EPHA7: variants seen among roughly 807,000 people sequenced by gnomAD.
The protein encoded by EPHA7 is EPH receptor A7.
In EPHA7, 25 loss-of-function variants were observed where a neutral mutation model predicts 112.6. The ratio of observed to expected loss-of-function variants is 0.22; its 90% CI spans 0.16 to 0.31. EPHA7 has a LOEUF of 0.31. Among genes scored for constraint, EPHA7 ranks in the 10% least tolerant of loss-of-function variants. The probability of loss-of-function intolerance (pLI) is 1.00; values close to 1 mark genes in which losing one functional copy is unlikely to be tolerated. For synonymous variants in EPHA7, 437 were observed against 406.5 expected, an observed-to-expected ratio of 1.07 and a Z score of -0.90; for missense variants, 962 against 1,212.6, an observed-to-expected ratio of 0.79 and a Z score of 3.07.
intron 3 of EPHA7, among the ~76,000 whole-genome samples, chr6:93,392,444 C>G (rs991075373): frequency 1.3e-5 from 2 of 151,748 alleles, no homozygotes; most frequent in Non-Finnish European, 2.9e-5. Context: ...CAGATCGACA[C>G]AAAAGAAAAA....
Position 93,246,962 on chromosome 6 carries a change from A to G in EPHA7, c.2556T>C (p.Gly852=). Residue 852 remains glycine (G), a synonymous_variant, in exon 15 of 17, where the codon GGT becomes GGC. Coordinates refer to ENST00000369303, the MANE Select transcript of EPHA7 (RefSeq NM_004440.4). ...AGTCCATGGGTGCTGGTAAACGATAACCTTCTTCTATTGCTTTTATAACCT... is the reference window on the plus strand; with the variant it reads ...AGTCCATGGGTGCTGGTAAACGATAGCCTTCTTCTATTGCTTTTATAACCT... The part of the protein sequence containing the change: ...NQDVIKAIEE[G]YRLPAPMDCP... 6.3e-7 allele frequency: 1 copy of G among 1,596,772 alleles called. No individual in the cohort carries two copies. Among genetic ancestry groups the G allele is most frequent in the Non-Finnish European group, 8.6e-7 (1 of 1,166,584 alleles).
Position 93,258,087 on chromosome 6 carries a change from A to G in EPHA7, c.2110+12T>C. The G allele has an allele frequency of 6.2e-7, 1 of 1,603,938 alleles. No individual in the cohort carries two copies. The highest frequency in any genetic ancestry group is 8.5e-7 in the Non-Finnish European group (1 of 1,172,128). Reference sequence around the variant, plus strand: ...GTCTTTTTGATAAAATAAAGATATAACCAATATCTACCTCTTGTAACAACC... The same window carrying G: ...GTCTTTTTGATAAAATAAAGATATAGCCAATATCTACCTCTTGTAACAACC... On this transcript the variant is annotated intron_variant, in intron 11 of 16. Transcript: ENST00000369303.
intron 5 of EPHA7, among the ~76,000 whole-genome samples, chr6:93,289,686 A>C (rs1377015471): frequency 6.6e-6 from 1 of 152,202 alleles, no homozygotes. Context: ...AAGTAATCTT[A>C]AGGTTTACCT....
At chr6:93,370,840 A>C (rs1776752774) in intron 3 of EPHA7, among the ~76,000 whole-genome samples, 1 of 152,124 alleles carries the variant, frequency 6.6e-6, no homozygotes, top group South Asian at 2.1e-4. Flanking sequence ...TAATATTCAG[A>C]GTGAACTCAG....
At chr6:93,299,558 T>C (rs1016427637) in intron 5 of EPHA7, among the ~76,000 whole-genome samples, 1 of 152,090 alleles carries the variant, frequency 6.6e-6, no homozygotes, top group African/African-American at 2.4e-5. Context: ...GTTCAACCAT[T>C]GTGGAAAGCA....
chr6:93,316,797 T>C (rs1209222703), intron 5 of EPHA7, among the ~76,000 whole-genome samples: 1 of 152,180 alleles, frequency 6.6e-6, no homozygotes, highest in Non-Finnish European at 1.5e-5. Flanking sequence ...CGTAAATGAA[T>C]AGTATGCATT....
At chr6:93,275,141 T>C (rs1033222562) in intron 5 of EPHA7, among the ~76,000 whole-genome samples, 3 of 151,844 alleles carry the variant, frequency 2.0e-5, no homozygotes, top group Middle Eastern at 3.5e-3. Flanking sequence ...AAATGAAATA[T>C]ACAAGTGACA....
intron 3 of EPHA7, among the ~76,000 whole-genome samples, chr6:93,389,427 G>A (rs904906866): frequency 6.6e-6 from 1 of 152,016 alleles, no homozygotes; most frequent in African/African-American, 2.4e-5. Flanking sequence ...CACGTGGTGG[G>A]TTCTGGACTG....
chr6:93,401,598 T>G lies in EPHA7; in HGVS notation c.832+8903A>C, dbSNP rs529983599. On this transcript the variant is annotated intron_variant, in intron 3 of 16. Transcript: ENST00000369303. Reference sequence around the variant, plus strand: ...AAATTGAGTTGTTTTACTACCAGATTAAAAAATAAAAACTTATATGTGCAT... The same window carrying G: ...AAATTGAGTTGTTTTACTACCAGATGAAAAAATAAAAACTTATATGTGCAT... Among the ~76,000 whole-genome samples the G allele has an allele frequency of 2.6e-5, 4 of 152,186 alleles. No individual in the cohort carries two copies. In the South Asian group the frequency reaches 8.3e-4, roughly 32 times the overall value.
chr6:93,333,172 T>G (rs1193916479), intron 5 of EPHA7, among the ~76,000 whole-genome samples: 1 of 151,726 alleles, frequency 6.6e-6, no homozygotes, highest in Non-Finnish European at 1.5e-5. Context: ...TGTTTAGGAT[T>G]ATGGCCTCCA....
intron 5 of EPHA7, among the ~76,000 whole-genome samples, chr6:93,308,890 C>T (rs369892913): frequency 1.2e-4 from 18 of 152,074 alleles, no homozygotes; most frequent in East Asian, 5.8e-4. Flanking sequence ...TAGCTGACTA[C>T]CTATGTGTAG....
At chr6:93,393,098 A>G (rs1413597353) in intron 3 of EPHA7, among the ~76,000 whole-genome samples, 1 of 151,900 alleles carries the variant, frequency 6.6e-6, no homozygotes, top group Non-Finnish European at 1.5e-5. Flanking sequence ...GGGTGCTTCA[A>G]TTCTACAGTC....
chr6:93,410,557 G>C lies in EPHA7; in HGVS notation c.776C>G (p.Pro259Arg), dbSNP rs2127994269. 1 of 1,613,936 alleles carries C rather than the reference G, an allele frequency of 6.2e-7. No individual in the cohort carries two copies. The highest frequency in any genetic ancestry group is 8.5e-7 in the Non-Finnish European group (1 of 1,179,916). ...TGCTTTGCAGATACATTTTCCAATG[G>C]GCACTAACCATTCTCCTTCTGCACT... is the stretch of plus-strand genomic sequence containing the variant. The part of the protein sequence containing the change: ...HCSAEGEWLV[P>R]IGKCICKAGY... Residue 259 changes from proline to arginine, a missense_variant, in exon 3 of 17, where the codon CCC becomes CGC. This residue lies in a region of EPHA7 where 160 missense variants were observed against 263.6 expected (regional missense o/e 0.61). Transcript: ENST00000369303. This position sits in a 1 kb window ranked among gnomAD's most constrained non-coding sequence, Gnocchi z 4.0.
At chr6:93,399,407 G>A (rs548665324) in intron 3 of EPHA7, among the ~76,000 whole-genome samples, 3 of 148,578 alleles carry the variant, frequency 2.0e-5, no homozygotes, top group Non-Finnish European at 2.9e-5. Context: ...TTGTTGTTCT[G>A]TGAAGCAATA....
In EPHA7 at chr6:93,272,331, G is replaced by T; in HGVS notation, c.1416C>A (p.Val472=). The stretch of plus-strand genomic sequence containing the variant: ...AATACTTGATTTCATATTCTGTGAT[G>T]ACTCCATTGGGATGCTCTGGTTCCT... ...SWQEPEHPNG[V]ITEYEIKYYE... The change falls in exon 6 of 17, where the codon GTC becomes GTA. Residue 472 remains valine, a synonymous_variant. Coordinates refer to ENST00000369303, the MANE Select transcript of EPHA7 (RefSeq NM_004440.4). 1 of 1,612,034 alleles carries T rather than the reference G, an allele frequency of 6.2e-7. No homozygotes were observed. Among genetic ancestry groups the T allele is most frequent in the South Asian group, 1.1e-5 (1 of 91,022 alleles).
chr6:93,301,440 T>TA (rs1444873650), intron 5 of EPHA7, among the ~76,000 whole-genome samples: 1 of 152,200 alleles, frequency 6.6e-6, no homozygotes, highest in Non-Finnish European at 1.5e-5. Context: ...AAACTGATCT[T>TA]ACAATTTGGG....
chr6:93,390,980 T>C (rs192009667), intron 3 of EPHA7, among the ~76,000 whole-genome samples: 1 of 152,132 alleles, frequency 6.6e-6, no homozygotes, highest in African/African-American at 2.4e-5. Flanking sequence ...ATTTTTGTTG[T>C]GTTTGATCTA....
chr6:93,304,290 G>T (rs1773143491), intron 5 of EPHA7, among the ~76,000 whole-genome samples: 1 of 151,760 alleles, frequency 6.6e-6, no homozygotes, highest in Non-Finnish European at 1.5e-5. Flanking sequence ...GATTATTTGT[G>T]ATTTATTCTC....
At chr6:93,349,139 A>G (rs954626447) in intron 5 of EPHA7, among the ~76,000 whole-genome samples, 1 of 151,824 alleles carries the variant, frequency 6.6e-6, no homozygotes, top group African/African-American at 2.4e-5. Flanking sequence ...ACATGGTAGT[A>G]TGTTACCTAA....
Sources: gnomAD v4.1 joint callset for allele counts (sites outside exome capture counted in the v4.1 genomes callset) on GRCh38, gnomAD v4.1.1 for gene constraint, gnomAD v4.1.1 regional missense constraint, Gnocchi (gnomAD v3.1) non-coding constraint, MANE v1.5 for transcripts, NCBI Gene and HGNC (gene_info 2026-07-23, HGNC 2026-07-21) for gene names.